KCTD8: variants seen among roughly 807,000 people sequenced by gnomAD.
KCTD8 encodes the protein BTB/POZ domain-containing protein KCTD8.
In KCTD8, 27 loss-of-function variants were observed where a neutral mutation model predicts 31.5. That is an observed-to-expected ratio of 0.86 (90% CI 0.63 to 1.18). KCTD8 has a LOEUF of 1.18. Among genes scored for constraint, KCTD8 ranks in the 50% most tolerant of loss-of-function variants. KCTD8 has a pLI of 0.00. For missense variants in KCTD8, 658 were observed against 647.7 expected, an observed-to-expected ratio of 1.02 and a Z score of -0.17; for synonymous variants, 290 against 280.0, an observed-to-expected ratio of 1.04 and a Z score of -0.36.
chr4:44,286,612 A>G (rs1717080631), intron 1 of KCTD8, among the ~76,000 whole-genome samples: 1 of 152,142 alleles, frequency 6.6e-6, no homozygotes, highest in African/African-American at 2.4e-5. Context: ...AATATCGAAG[A>G]AAAGGGCCAA....
Position 44,399,482 on chromosome 4 carries a change from G to C in KCTD8, c.961+48081C>G, listed in dbSNP as rs188932721. ...TAAGCAAGATCCCAGAGGCGGAAAA[G>C]GGTGAGATCTAACTCAGAGGTGGAC... On this transcript the variant is annotated intron_variant, in intron 1 of 1. Transcript: ENST00000360029. 7.9e-5 allele frequency among the ~76,000 whole-genome samples: 12 copies of C among 152,266 alleles called. No individual in the cohort carries two copies. The East Asian group carries it at 2.3e-3, about 29-fold the overall frequency.
chr4:44,180,187 G>T (rs1163326649), intron 1 of KCTD8, among the ~76,000 whole-genome samples: 2 of 151,814 alleles, frequency 1.3e-5, no homozygotes, highest in Admixed American at 6.6e-5. Flanking sequence ...CAATATACTT[G>T]GTTTAAAAAA....
intron 1 of KCTD8, among the ~76,000 whole-genome samples, chr4:44,198,821 T>C (rs1319383242): frequency 6.6e-6 from 1 of 152,036 alleles, no homozygotes; most frequent in Non-Finnish European, 1.5e-5. Flanking sequence ...TAACCCTGAA[T>C]ACCAATGATC....
chr4:44,338,414 G>A (rs1283131381), intron 1 of KCTD8, among the ~76,000 whole-genome samples: 2 of 152,132 alleles, frequency 1.3e-5, no homozygotes, highest in African/African-American at 2.4e-5. Flanking sequence ...ATATCTCTAG[G>A]AAAACTATTC....
intron 1 of KCTD8, among the ~76,000 whole-genome samples, chr4:44,202,492 C>G (rs1214466834): frequency 6.6e-6 from 1 of 152,142 alleles, no homozygotes; most frequent in Non-Finnish European, 1.5e-5. Flanking sequence ...ATGGATGCAG[C>G]TGGAAGCCAT....
intron 1 of KCTD8, among the ~76,000 whole-genome samples, chr4:44,315,487 A>G (rs1718079915): frequency 6.6e-6 from 1 of 152,136 alleles, no homozygotes; most frequent in South Asian, 2.1e-4. Flanking sequence ...TGTAAGAACA[A>G]GCCATTGAAA....
chr4:44,262,135 G>T (rs1293612302), intron 1 of KCTD8, among the ~76,000 whole-genome samples: 1 of 152,032 alleles, frequency 6.6e-6, no homozygotes, highest in Admixed American at 6.6e-5. Context: ...GGTTTCTCAA[G>T]ATTAACATAT....
chr4:44,318,207 A>T (rs1426180984), intron 1 of KCTD8, among the ~76,000 whole-genome samples: 1 of 152,178 alleles, frequency 6.6e-6, no homozygotes, highest in Admixed American at 6.6e-5. Flanking sequence ...GTTTATTATC[A>T]TTGTAATGAT....
rs1183921073 is a variant in KCTD8, at chr4:44,316,796, A to G, written c.961+130767T>C. Among the ~76,000 whole-genome samples the G allele has an allele frequency of 8.9e-4, 26 of 29,374 alleles. No homozygotes were observed. The African/African-American group carries it at 0.01, about 12-fold the overall frequency. The allele number at this position is 29,374 out of a possible 152,430, so 19.3% of individuals were successfully genotyped here. Reference sequence around the variant, plus strand: ...AAACCCCATCTCTACTAAAAATACGAAAAAAAAAAAAAAAAAAAAAAAAAA... The same window carrying G: ...AAACCCCATCTCTACTAAAAATACGGAAAAAAAAAAAAAAAAAAAAAAAAA... On this transcript the variant is annotated intron_variant, in intron 1 of 1. Coordinates refer to ENST00000360029, the MANE Select transcript of KCTD8 (RefSeq NM_198353.3).
chr4:44,357,314 C>T (rs1719369216), intron 1 of KCTD8, among the ~76,000 whole-genome samples: 2 of 152,142 alleles, frequency 1.3e-5, no homozygotes, highest in South Asian at 4.1e-4. Context: ...GCCTTTTTCT[C>T]CTTTTCTCCC....
chr4:44,303,542 A>G (rs1434037192), intron 1 of KCTD8, among the ~76,000 whole-genome samples: 1 of 152,068 alleles, frequency 6.6e-6, no homozygotes, highest in Non-Finnish European at 1.5e-5. Flanking sequence ...AAGGCCAGGC[A>G]TGGTGGCTCA....
intron 1 of KCTD8, among the ~76,000 whole-genome samples, chr4:44,360,474 A>G (rs373362085): frequency 6.6e-6 from 1 of 152,050 alleles, no homozygotes; most frequent in Non-Finnish European, 1.5e-5. Context: ...CCAAGTTGCC[A>G]GAAGGAAAAC....
At chr4:44,258,865 C>T (rs1048389518) in intron 1 of KCTD8, among the ~76,000 whole-genome samples, 40 of 151,890 alleles carry the variant, frequency 2.6e-4, no homozygotes, top group Admixed American at 2.0e-3. Flanking sequence ...AGCTCTTGAG[C>T]AAGTTGCTTA....
chr4:44,306,298 A>T (rs1717803819), intron 1 of KCTD8, among the ~76,000 whole-genome samples: 1 of 152,048 alleles, frequency 6.6e-6, no homozygotes, highest in Admixed American at 6.6e-5. Context: ...TCTTCTTAGT[A>T]TGATACTATC....
At chr4:44,348,153 A>T (rs1471101456) in intron 1 of KCTD8, among the ~76,000 whole-genome samples, 5 of 152,304 alleles carry the variant, frequency 3.3e-5, no homozygotes, top group African/African-American at 1.2e-4. Context: ...AAAAAAGAAC[A>T]TGCAACTTTG....
Position 44,293,853 on chromosome 4 carries a change from A to G in KCTD8, c.962-118603T>C, listed in dbSNP as rs571757664. The G allele has an allele frequency of 1.5e-3, 661 of 449,824 alleles. 4 individuals carry two copies. Among genetic ancestry groups the G allele is most frequent in the Non-Finnish European group, 2.2e-3 (500 of 224,038 alleles). The allele number at this position is 449,824 out of a possible 1,614,324, so 27.9% of individuals were successfully genotyped here. On this transcript the variant is annotated intron_variant, in intron 1 of 1. Coordinates refer to ENST00000360029, the MANE Select transcript of KCTD8 (RefSeq NM_198353.3). ...GAACCTGTGGAAAGCCAATCAAAAA[A>G]AGGATGATTTATCAGAAATATAAAT...
intron 1 of KCTD8, among the ~76,000 whole-genome samples, chr4:44,270,646 C>T (rs1298598522): frequency 6.6e-6 from 1 of 151,976 alleles, no homozygotes; most frequent in Non-Finnish European, 1.5e-5. Context: ...TTGGATAATT[C>T]TGTTGCAAAA....
At chr4:44,290,912 A>C (rs375229667) in intron 1 of KCTD8, among the ~76,000 whole-genome samples, 18 of 152,104 alleles carry the variant, frequency 1.2e-4, no homozygotes, top group East Asian at 9.6e-4. Flanking sequence ...CCAGGGGAAA[A>C]AAGAACAAAC....
intron 1 of KCTD8, among the ~76,000 whole-genome samples, chr4:44,297,083 G>A (rs1358226031): frequency 1.3e-5 from 2 of 151,864 alleles, no homozygotes; most frequent in African/African-American, 4.8e-5. Context: ...CAAGCACTGG[G>A]TTGACAATAA....
Sources: gnomAD v4.1 joint callset for allele counts (sites outside exome capture counted in the v4.1 genomes callset) on GRCh38, gnomAD v4.1.1 for gene constraint, MANE v1.5 for transcripts, NCBI Gene and HGNC (gene_info 2026-07-23, HGNC 2026-07-21) for gene names.